Variants in SYN3 observed in about 807,000 individuals in gnomAD.
SYN3 encodes synapsin III, also known as synapsin-3.
Under a neutral mutation model 65.8 loss-of-function variants are expected in SYN3, and 35 were observed. That is an observed-to-expected ratio of 0.53 (90% CI 0.41 to 0.70). The LOEUF is 0.70. Ranked by LOEUF, SYN3 falls within the 30% of genes least tolerant of loss-of-function variation. The probability of loss-of-function intolerance (pLI) is 0.00; values close to 1 mark genes in which losing one functional copy is unlikely to be tolerated. For synonymous variants in SYN3, 270 were observed against 292.9 expected, an observed-to-expected ratio of 0.92 and a Z score of 0.80; for missense variants, 680 against 749.0, an observed-to-expected ratio of 0.91 and a Z score of 1.08.
chr22:32,938,992 A>C (rs2146743512), intron 3 of SYN3, among the ~76,000 whole-genome samples: 1 of 152,010 alleles, frequency 6.6e-6, no homozygotes, highest in South Asian at 2.1e-4. Context: ...AATTGAATTT[A>C]TTATAAGTCC....
At chr22:32,769,995 T>C (rs1441499897) in intron 6 of SYN3, among the ~76,000 whole-genome samples, 1 of 152,196 alleles carries the variant, frequency 6.6e-6, no homozygotes, top group Non-Finnish European at 1.5e-5. Flanking sequence ...AATAGGCATT[T>C]CTAGTCTAAT....
At chr22:32,888,751 G>A (rs960639892) in intron 4 of SYN3, among the ~76,000 whole-genome samples, 1 of 152,106 alleles carries the variant, frequency 6.6e-6, no homozygotes, top group African/African-American at 2.4e-5. Flanking sequence ...AAAACTTTTG[G>A]AGCACTGACA....
intron 6 of SYN3, among the ~76,000 whole-genome samples, chr22:32,773,406 CAAAAAAAAAAA>C (rs61583056): frequency 3.3e-5 from 3 of 91,174 alleles, no homozygotes; most frequent in East Asian, 3.4e-4. Flanking sequence ...GACTCTGTCT[CAAAAAAAAAAA>C]AAAAAAAAAA....
intron 2 of SYN3, among the ~76,000 whole-genome samples, chr22:32,991,736 C>T (rs1358979154): frequency 6.6e-6 from 1 of 152,172 alleles, no homozygotes; most frequent in Non-Finnish European, 1.5e-5. Flanking sequence ...TAAGCCTATT[C>T]TGAAGATGGC....
intron 4 of SYN3, among the ~76,000 whole-genome samples, chr22:32,874,784 G>C (rs1569294896): frequency 1.3e-5 from 2 of 152,166 alleles, no homozygotes; most frequent in Non-Finnish European, 2.9e-5. Flanking sequence ...CAGACTTTCT[G>C]ACGTCCATGT....
chr22:32,917,955 G>C (rs1325146046), intron 4 of SYN3, among the ~76,000 whole-genome samples: 2 of 151,938 alleles, frequency 1.3e-5, no homozygotes, highest in African/African-American at 4.8e-5. Flanking sequence ...GATTAGATGG[G>C]GGCTTCCCCC....
At chr22:32,870,175 T>G (rs2048811510) in intron 4 of SYN3, among the ~76,000 whole-genome samples, 1 of 152,168 alleles carries the variant, frequency 6.6e-6, no homozygotes, top group African/African-American at 2.4e-5. Flanking sequence ...AAACAAAAAT[T>G]CCTTGGCATG....
intron 6 of SYN3, among the ~76,000 whole-genome samples, chr22:32,607,437 G>A (rs896134068): frequency 6.6e-6 from 1 of 152,158 alleles, no homozygotes; most frequent in Non-Finnish European, 1.5e-5. Flanking sequence ...CCAAGATAGA[G>A]ATCCTGCCTG....
chr22:32,994,563 G>A (rs989202157), intron 2 of SYN3, among the ~76,000 whole-genome samples: 7 of 152,190 alleles, frequency 4.6e-5, no homozygotes, highest in East Asian at 1.9e-4. Context: ...TAGGGGAAGC[G>A]GTGGAGAGAG....
chr22:32,578,331 C>T (rs1006615983), intron 7 of SYN3, among the ~76,000 whole-genome samples: 1 of 152,056 alleles, frequency 6.6e-6, no homozygotes, highest in Non-Finnish European at 1.5e-5. Flanking sequence ...CCTGCAGCCT[C>T]AATCTCCCAT....
At chr22:32,871,828 C>T (rs1301881536) in intron 4 of SYN3, among the ~76,000 whole-genome samples, 3 of 151,992 alleles carry the variant, frequency 2.0e-5, no homozygotes, top group Non-Finnish European at 2.9e-5. Flanking sequence ...TGAGATTTTG[C>T]TGTTACCCAG....
chr22:32,996,851 C>T (rs890957554), intron 2 of SYN3, among the ~76,000 whole-genome samples: 5 of 152,284 alleles, frequency 3.3e-5, no homozygotes, highest in South Asian at 2.1e-4. Context: ...TCCAGCAGGG[C>T]GGGGCTGCCT....
intron 1 of SYN3, among the ~76,000 whole-genome samples, chr22:33,056,904 G>A (rs1379099663): frequency 2.0e-5 from 3 of 152,214 alleles, no homozygotes; most frequent in Non-Finnish European, 2.9e-5. Context: ...CAGAGGGGAA[G>A]GGCACACAGA....
chr22:32,787,543 T>C (rs1286380307), intron 6 of SYN3, among the ~76,000 whole-genome samples: 5 of 152,204 alleles, frequency 3.3e-5, no homozygotes, highest in Non-Finnish European at 7.3e-5. Flanking sequence ...CACTGGGTTG[T>C]TGTGAAGATT....
chr22:33,038,017 A>G (rs11703017), intron 1 of SYN3, among the ~76,000 whole-genome samples: 25,700 of 152,068 alleles, frequency 0.17, 2,388 homozygotes, highest in Non-Finnish European at 0.21. Context: ...AGGAATAAAA[A>G]CAAAAGATCG....
At chr22:32,634,932 C>A (rs1048495982) in intron 6 of SYN3, among the ~76,000 whole-genome samples, 1 of 141,140 alleles carries the variant, frequency 7.1e-6, no homozygotes, top group Non-Finnish European at 1.5e-5. Flanking sequence ...ATTTTTTTTG[C>A]AACTTTTTTT....
intron 7 of SYN3, among the ~76,000 whole-genome samples, chr22:32,543,205 C>T (rs1601601708): frequency 6.6e-6 from 1 of 152,198 alleles, no homozygotes; most frequent in Non-Finnish European, 1.5e-5. Context: ...GTCTTTACAG[C>T]TCTCCGTGGG....
At chr22:32,842,597 A>G (rs1019546377) in intron 6 of SYN3, among the ~76,000 whole-genome samples, 9 of 152,202 alleles carry the variant, frequency 5.9e-5, no homozygotes, top group African/African-American at 2.2e-4. Flanking sequence ...ACAGTGTATC[A>G]TTTGTCTAGC....
At chr22:32,918,306 A>G (rs1256505451) in intron 4 of SYN3, among the ~76,000 whole-genome samples, 1 of 152,194 alleles carries the variant, frequency 6.6e-6, no homozygotes, top group African/African-American at 2.4e-5. Flanking sequence ...ACCCTCCTGA[A>G]TCAGTTATAG....
Sources: gnomAD v4.1 joint callset for allele counts (sites outside exome capture counted in the v4.1 genomes callset) on GRCh38, gnomAD v4.1.1 for gene constraint, MANE v1.5 for transcripts, NCBI Gene and HGNC (gene_info 2026-07-23, HGNC 2026-07-21) for gene names.